TTC34: variants seen among roughly 807,000 people sequenced by gnomAD.
TTC34 encodes the protein tetratricopeptide repeat protein 34.
TTC34 carries 44 observed loss-of-function variants against 40.7 expected under a neutral mutation model. The observed-to-expected ratio is 1.08, with a 90% CI of 0.85 to 1.39. TTC34 has a LOEUF of 1.39. TTC34 is among the 40% of genes most tolerant of loss of function. The pLI, the probability that TTC34 is intolerant of heterozygous loss-of-function variation, is 0.00. For missense variants in TTC34, 884 were observed against 838.0 expected, an observed-to-expected ratio of 1.05 and a Z score of -0.68; for synonymous variants, 422 against 398.6, an observed-to-expected ratio of 1.06 and a Z score of -0.70.
At chr1:2,754,807 C>T (rs1441781735) in intron 6 of TTC34, among the ~76,000 whole-genome samples, 31 of 149,890 alleles carry the variant, frequency 2.1e-4, no homozygotes, top group African/African-American at 5.5e-4. Context: ...CAGCCTGGAA[C>T]AGAAACCACA....
chr1:2,688,311 C>T (rs557979144), intron 6 of TTC34, among the ~76,000 whole-genome samples: 190 of 118,810 alleles, frequency 1.6e-3, no homozygotes, highest in African/African-American at 7.8e-3. Flanking sequence ...ATCTGACAGC[C>T]TGGAGCAGAA....
chr1:2,651,316 G>A (rs1266889139), intron 6 of TTC34, among the ~76,000 whole-genome samples: 6 of 151,284 alleles, frequency 4.0e-5, no homozygotes, highest in East Asian at 2.0e-4. Context: ...ACTCCACACC[G>A]GCAGGTGAGC....
At chr1:2,778,622 T>TG (rs1433090780) in intron 6 of TTC34, among the ~76,000 whole-genome samples, 1 of 152,136 alleles carries the variant, frequency 6.6e-6, no homozygotes, top group Non-Finnish European at 1.5e-5. Context: ...GGGAGCTCTG[T>TG]GGGGGGAGAC....
In TTC34 at chr1:2,796,603, C is replaced by A; in HGVS notation, c.784+3441G>T. On this transcript the variant is annotated intron_variant, in intron 2 of 8. Transcript: ENST00000401095. The surrounding 1 kb of genome is among the most constrained non-coding windows in gnomAD (Gnocchi z 4.5). ...ATTTCTGCAGAGAGCTTTAGTGTGACCCCCACCCACACCCTTAAGTCATGC... is the reference window on the plus strand; with the variant it reads ...ATTTCTGCAGAGAGCTTTAGTGTGAACCCCACCCACACCCTTAAGTCATGC... Among the ~76,000 whole-genome samples the A allele has an allele frequency of 6.6e-6, 1 of 152,016 alleles. No individual in the cohort carries two copies. Among genetic ancestry groups the A allele is most frequent in the South Asian group, 2.1e-4 (1 of 4,810 alleles).
At chr1:2,794,493 C>A (rs1448882298) in intron 2 of TTC34, among the ~76,000 whole-genome samples, 2 of 152,082 alleles carry the variant, frequency 1.3e-5, no homozygotes, top group East Asian at 3.8e-4. Flanking sequence ...ATGTCTAATA[C>A]CTTTTTGTTG....
At chr1:2,765,748 G>A (rs1166830427) in intron 6 of TTC34, among the ~76,000 whole-genome samples, 38 of 25,980 alleles carry the variant, frequency 1.5e-3, no homozygotes, top group African/African-American at 6.4e-3. Context: ...CTGGAGCAGC[G>A]CCCACACCCC....
intron 2 of TTC34, among the ~76,000 whole-genome samples, chr1:2,792,012 T>TG (rs2100632434): frequency 9.7e-6 from 1 of 103,294 alleles, no homozygotes; most frequent in African/African-American, 3.9e-5. Context: ...TATGCTTTTT[T>TG]TTTTTTTTTT....
intron 6 of TTC34, among the ~76,000 whole-genome samples, chr1:2,751,550 C>T (rs1641319791): frequency 9.3e-6 from 1 of 107,352 alleles, no homozygotes; most frequent in South Asian, 3.4e-4. Context: ...ATCTGACAGC[C>T]TGCAACAGCA....
intron 6 of TTC34, among the ~76,000 whole-genome samples, chr1:2,655,475 C>T (rs1419841529): frequency 1.3e-4 from 19 of 146,084 alleles, no homozygotes; most frequent in African/African-American, 4.3e-4. Context: ...CATCTGATAT[C>T]CTGGAACAGC....
chr1:2,641,579 A>G (rs1314231662), exon 9 of TTC34: 2 of 1,533,192 alleles, frequency 1.3e-6, no homozygotes, highest in Non-Finnish European at 1.7e-6. Context: ...GTTCTGGGCC[A>G]AGGAGGGCGC....
At chr1:2,682,004 C>G (rs1231135379) in intron 6 of TTC34, among the ~76,000 whole-genome samples, 6 of 114,290 alleles carry the variant, frequency 5.2e-5, no homozygotes, top group Non-Finnish European at 7.4e-5. Context: ...GAGCATCAGA[C>G]AGCCTGGAAC....
intron 6 of TTC34, among the ~76,000 whole-genome samples, chr1:2,688,608 C>A (rs1640482255): frequency 1.4e-5 from 2 of 142,206 alleles, no homozygotes; most frequent in South Asian, 2.2e-4. Flanking sequence ...GCAGCACCCA[C>A]ACCCCCAGGT....
intron 6 of TTC34, among the ~76,000 whole-genome samples, chr1:2,759,539 G>A (rs1641622458): frequency 1.7e-4 from 25 of 147,484 alleles, no homozygotes; most frequent in African/African-American, 5.4e-4. Context: ...GCATCTGACA[G>A]CCTGGAACAG....
chr1:2,755,792 G>A (rs1641485154), intron 6 of TTC34, among the ~76,000 whole-genome samples: 9 of 127,464 alleles, frequency 7.1e-5, no homozygotes, highest in South Asian at 2.8e-4. Flanking sequence ...ACCCCCAGGT[G>A]AGCATCTGAT....
rs555048406 is a variant in TTC34, at chr1:2,691,106, G to A, written c.2227-45543C>T. 4.3e-4 allele frequency among the ~76,000 whole-genome samples: 32 copies of A among 74,022 alleles called. 5 individuals are homozygous for A. The South Asian group carries it at 0.013, about 31-fold the overall frequency. The allele number at this position is 74,022 out of a possible 152,430, so 48.6% of individuals were successfully genotyped here. On this transcript the variant is annotated intron_variant, in intron 6 of 8. Coordinates refer to ENST00000401095, the Ensembl canonical transcript of TTC34. Reference sequence around the variant, plus strand: ...CTTTGGAGCAGCACCCACACCTTCAGGTGAGCATCTGACAGCCTGGAACAG... The same window carrying A: ...CTTTGGAGCAGCACCCACACCTTCAAGTGAGCATCTGACAGCCTGGAACAG...
chr1:2,793,335 A>T (rs1643682309), intron 2 of TTC34, among the ~76,000 whole-genome samples: 1 of 152,078 alleles, frequency 6.6e-6, no homozygotes, highest in Admixed American at 6.5e-5. Context: ...TCTTGTATTG[A>T]ATTTTTTTTC....
chr1:2,687,414 G>A (rs1363603611), intron 6 of TTC34, among the ~76,000 whole-genome samples: 16 of 150,838 alleles, frequency 1.1e-4, no homozygotes, highest in African/African-American at 3.7e-4. Context: ...ACCCCCAGGT[G>A]AGCATCTGAT....
chr1:2,768,171 G>C (rs1641847007), intron 6 of TTC34, among the ~76,000 whole-genome samples: 1 of 151,814 alleles, frequency 6.6e-6, no homozygotes. Context: ...CGAACCTTCA[G>C]GTGAGCATCT....
chr1:2,677,899 C>G (rs1222969737), intron 6 of TTC34, among the ~76,000 whole-genome samples: 2 of 14,636 alleles, frequency 1.4e-4, no homozygotes, highest in African/African-American at 7.4e-4. Context: ...CACCCCCAGG[C>G]GAGCATCTGA....
Sources: gnomAD v4.1 joint callset for allele counts (sites outside exome capture counted in the v4.1 genomes callset) on GRCh38, gnomAD v4.1.1 for gene constraint, Gnocchi (gnomAD v3.1) non-coding constraint, MANE v1.5 for transcripts, NCBI Gene and HGNC (gene_info 2026-07-23, HGNC 2026-07-21) for gene names.